The following CHIT1 variants were observed in gnomAD, a reference collection of about 807,000 sequenced individuals.
CHIT1 encodes chitinase 1.
In CHIT1, 47 loss-of-function variants were observed where a neutral mutation model predicts 52.0. The observed-to-expected ratio is 0.90, with a 90% CI of 0.71 to 1.15. CHIT1 has a LOEUF of 1.15. Among genes scored for constraint, CHIT1 ranks in the 50% most tolerant of loss-of-function variants. CHIT1 has a pLI of 0.00. For synonymous variants in CHIT1, 242 were observed against 228.2 expected (o/e 1.06, Z -0.54); for missense variants, 569 against 583.0 (o/e 0.98, Z 0.25).
At chr1:203,223,707 G>A in intron 4 of CHIT1, 47 bp from the exon 5 acceptor site, 1 of 1,594,316 alleles carries the variant, frequency 6.3e-7, no homozygotes, top group Non-Finnish European at 8.6e-7. Context: ...GACCAGACAG[G>A]AGGCCACTCT....
intron 7 of CHIT1, among the ~76,000 whole-genome samples, chr1:203,221,081 G>A (rs925236544): frequency 1.4e-4 from 21 of 152,176 alleles, no homozygotes; most frequent in Non-Finnish European, 8.8e-5. Flanking sequence ...CAGGCTCAGT[G>A]TGAAATGTGG....
rs748982212 is a variant in CHIT1, at chr1:203,225,682, C to G, written c.244G>C (p.Gly82Arg). ...GCTTTGGCTCACATCTTCTTCAGGC[C>G]ATTGAACTCCTGGTAGAGAGTCTCG... is the stretch of plus-strand genomic sequence containing the variant. ...NDETLYQEFN[G>R]LKKMNPKLKT... Residue 82 changes from glycine to arginine, a missense_variant, in exon 3 of 11, where the codon GGC becomes CGC. Physicochemically the swap from Gly to Arg is moderately radical, Grantham distance 125. Coordinates refer to ENST00000367229, the MANE Select transcript of CHIT1 (RefSeq NM_003465.3). 6.2e-7 allele frequency: 1 copy of G among 1,613,744 alleles called. No individual in the cohort carries two copies.
chr1:203,217,300 A>AC, intron 10 of CHIT1, 167 bp from the exon 11 acceptor site: 1 of 1,541,254 alleles, frequency 6.5e-7, no homozygotes, highest in Non-Finnish European at 8.7e-7. Context: ...CAACAGCCAT[A>AC]CCTACAGCTG....
intron 8 of CHIT1, 75 bp downstream of exon 8, chr1:203,219,589 G>A: frequency 6.5e-7 from 1 of 1,528,052 alleles, no homozygotes; most frequent in Non-Finnish European, 9.1e-7. Flanking sequence ...CAGAAACGGT[G>A]GGAGAAGGAA....
At chr1:203,221,622 TA>T (rs1480059387) in intron 7 of CHIT1, among the ~76,000 whole-genome samples, 1 of 152,164 alleles carries the variant, frequency 6.6e-6, no homozygotes, top group African/African-American at 2.4e-5. Flanking sequence ...TTCTGTCTCT[TA>T]AGAATAAATA....
intron 2 of CHIT1, among the ~76,000 whole-genome samples, chr1:203,226,203 T>A (rs1571850489): frequency 6.6e-6 from 1 of 152,004 alleles, no homozygotes; most frequent in Non-Finnish European, 1.5e-5. Context: ...AGAGCAGAGG[T>A]GCTGCGACCC....
chr1:203,221,017 G>A (rs1025094743), intron 7 of CHIT1, among the ~76,000 whole-genome samples: 2 of 152,174 alleles, frequency 1.3e-5, no homozygotes, highest in Non-Finnish European at 2.9e-5. Flanking sequence ...CACCAGCACA[G>A]GGATACAGCT....
Position 203,223,223 on chromosome 1 carries a change from A to AG in CHIT1, c.516dup (p.Ser173LeufsTer53). Reference sequence around the variant, plus strand: ...CTCAGAAGAAGGCGTTCCTTCCCTGAGGTCTGGGCTTCCTGCTGGAAGGCA... The same window carrying AG: ...CTCAGAAGAAGGCGTTCCTTCCCTGAGGGTCTGGGCTTCCTGCTGGAAGGCA... On this transcript the variant is annotated frameshift_variant, in exon 6 of 11. Transcript: ENST00000367229. LOFTEE classifies it high-confidence loss of function. 6.2e-7 allele frequency: 1 copy of AG among 1,614,150 alleles called. No individual in the cohort carries two copies. The highest frequency in any genetic ancestry group is 2.2e-5 in the East Asian group (1 of 44,880).
At position 203,219,789 on chromosome 1, in the gene CHIT1, T is replaced by G. The variant is rs753015984; in HGVS notation, c.790A>C (p.Met264Leu). 3.7e-6 allele frequency: 6 copies of G among 1,612,994 alleles called. No individual in the cohort carries two copies. The highest frequency in any genetic ancestry group is 5.1e-6 in the Non-Finnish European group (6 of 1,179,902). The stretch of plus-strand genomic sequence containing the variant: ...GTGAAGGAGCGTCCGTAGGTAGGCA[T>G]GCCAAGGATCAGCTTGCTGGCAGGG... ...GTPASKLILG[M>L]PTYGRSFTLA... is the part of the protein sequence containing the mutation. The change falls in exon 8 of 11, where the codon ATG becomes CTG. Residue 264 changes from methionine (M) to leucine (L), a missense_variant. Coordinates refer to ENST00000367229, the MANE Select transcript of CHIT1 (RefSeq NM_003465.3).
At chr1:203,222,065 G>T in intron 7 of CHIT1, 137 bp downstream of exon 7, 4 of 1,272,906 alleles carry the variant, frequency 3.1e-6, no homozygotes, top group Non-Finnish European at 4.4e-6. Context: ...AAACAAGCAA[G>T]CAAAGAAACA....
intron 9 of CHIT1, chr1:203,218,111 G>A: frequency 6.8e-7 from 1 of 1,470,156 alleles, no homozygotes; most frequent in Non-Finnish European, 9.0e-7. Flanking sequence ...GGTGGGTGCA[G>A]TCGGGAGGAA....
chr1:203,224,723 G>A (rs1169514930), intron 4 of CHIT1, among the ~76,000 whole-genome samples: 1 of 152,184 alleles, frequency 6.6e-6, no homozygotes, highest in East Asian at 1.9e-4. Flanking sequence ...ACTGCATGTT[G>A]TCAGGATTAG....
intron 7 of CHIT1, among the ~76,000 whole-genome samples, chr1:203,220,745 C>G (rs777972815): frequency 1.3e-5 from 2 of 152,186 alleles, no homozygotes; most frequent in Admixed American, 6.5e-5. Context: ...TACAACTTAT[C>G]TTTGATCAGA....
In CHIT1 at chr1:203,218,161, C is replaced by T. The variant is rs190976402; in HGVS notation, c.1030-296G>A. On this transcript the variant is annotated intron_variant, in intron 9 of 10. Transcript: ENST00000367229. ...TGCACCTCCCTAAGTGGGAACCCTT[C>T]ACCGCTTGGTCATGTGTGGGCTGAG... 1.1e-4 allele frequency: 144 copies of T among 1,367,248 alleles called. No individual in the cohort carries two copies. In the Admixed American group the frequency reaches 1.1e-3, roughly 11 times the overall value. The allele number at this position is 1,367,248 out of a possible 1,614,324, so 84.7% of individuals were successfully genotyped here. A position where few individuals can be genotyped will look rare whatever the true frequency, so the allele number is the denominator to read the frequency against.
chr1:203,226,462 C>T (rs550277660), intron 2 of CHIT1, among the ~76,000 whole-genome samples: 5 of 152,312 alleles, frequency 3.3e-5, no homozygotes, highest in African/African-American at 4.8e-5. Context: ...CAGAATACTT[C>T]GTTAAAATGC....
Position 203,223,495 on chromosome 1 carries a change from C to A in CHIT1, c.480G>T (p.Gln160His). 1 of 1,614,150 alleles carries A rather than the reference C, an allele frequency of 6.2e-7. No homozygotes were observed. Among genetic ancestry groups the A allele is most frequent in the Non-Finnish European group, 8.5e-7 (1 of 1,180,042 alleles). The change falls in exon 5 of 11, where the codon CAG (glutamine) becomes CAT (histidine). Residue 160 changes from glutamine (Q) to histidine (H), a missense_variant and splice_region_variant. Gln to His is a conservative substitution (Grantham distance 24, BLOSUM62 0). Coordinates refer to ENST00000367229, the MANE Select transcript of CHIT1 (RefSeq NM_003465.3). ...VDKERFTTLV[Q>H]DLANAFQQEA... ...TGATCCCCGCCCCGCCCAGCCATAC[C>A]TGTACCAGGGTTGTGAAGCGCTCCT...
In CHIT1 at chr1:203,222,241, C is replaced by G. The variant is rs1404714351; in HGVS notation, c.690G>C (p.Lys230Asn). Reference protein sequence around the residue: ...KVTGHNSPLYKRQEESGAAAS... With the variant: ...KVTGHNSPLYNRQEESGAAAS... Reference sequence around the variant, plus strand: ...CTGCTGCACCACTCTCTTCTTGCCTCTTGTAGAGGGGGCTGTTATGTCCCG... The same window carrying G: ...CTGCTGCACCACTCTCTTCTTGCCTGTTGTAGAGGGGGCTGTTATGTCCCG... The change falls in exon 7 of 11, where the codon AAG becomes AAC. Residue 230 changes from lysine to asparagine, a missense_variant. By Grantham distance (94) the Lys-to-Asn change is moderately conservative. Transcript: ENST00000367229. 6.2e-6 allele frequency: 10 copies of G among 1,614,062 alleles called. No individual in the cohort carries two copies. Among genetic ancestry groups the G allele is most frequent in the Non-Finnish European group, 8.5e-6 (10 of 1,180,048 alleles).
Position 203,225,609 on chromosome 1 carries a change from G to T in CHIT1, c.257+60C>A, listed in dbSNP as rs1056284820. 1.1e-4 allele frequency: 164 copies of T among 1,552,952 alleles called. 1 individual carries two copies. The East Asian group carries it at 3.6e-3, about 34-fold the overall frequency. The stretch of plus-strand genomic sequence containing the variant: ...GTGCTGGAGAGGTGTCTGGCTCTGG[G>T]AGGAGGTTATCTGTCACCCCACCAC... On this transcript the variant is annotated intron_variant, in intron 3 of 10. Transcript: ENST00000367229.
intron 4 of CHIT1, 83 bp from the exon 5 acceptor site, chr1:203,223,743 T>C: frequency 7.2e-7 from 1 of 1,395,646 alleles, no homozygotes; most frequent in Non-Finnish European, 1.0e-6. Flanking sequence ...AAGAAAACAC[T>C]CAGGACAGTG....
Sources: allele counts gnomAD v4.1 joint callset (sites outside exome capture counted in the v4.1 genomes callset), GRCh38; gene constraint gnomAD v4.1.1; transcripts MANE v1.5; gene names NCBI Gene and HGNC (gene_info 2026-07-23, HGNC 2026-07-21).